ERBB4: variants seen among roughly 807,000 people sequenced by gnomAD.
The protein encoded by ERBB4 is erb-b2 receptor tyrosine kinase 4.
A neutral mutation model predicts 158.0 loss-of-function variants in ERBB4; 42 were observed. That is an observed-to-expected ratio of 0.27 (90% CI 0.21 to 0.34). The LOEUF (loss-of-function observed/expected upper bound fraction) is 0.34. Ranked by LOEUF, ERBB4 falls within the 10% of genes least tolerant of loss-of-function variation. ERBB4 has a pLI of 1.00. For missense variants in ERBB4, 1,333 were observed against 1,624.1 expected (o/e 0.82, Z 3.08); for synonymous variants, 583 against 558.7 (o/e 1.04, Z -0.61).
chr2:211,393,260 C>G (rs2062841138), intron 25 of ERBB4, among the ~76,000 whole-genome samples: 1 of 152,092 alleles, frequency 6.6e-6, no homozygotes, highest in Non-Finnish European at 1.5e-5. Flanking sequence ...TGTACCTACC[C>G]TATACCATGG....
At chr2:212,003,198 A>ACAGACGG (rs2076167179) in intron 2 of ERBB4, among the ~76,000 whole-genome samples, 1 of 58,688 alleles carries the variant, frequency 1.7e-5, no homozygotes, top group African/African-American at 4.4e-5. Flanking sequence ...AGAAAGAAAG[A>ACAGACGG]AAGAAAGACA....
At position 212,407,995 on chromosome 2, in the gene ERBB4, A is replaced by G. The variant is rs949009374; in HGVS notation, c.82+130454T>C. ...TTTCGCATGTATAGACAATTACTGA[A>G]TAAGTGTTTTATTCAGGAGAATAAA... is the stretch of plus-strand genomic sequence containing the variant. On this transcript the variant is annotated intron_variant, in intron 1 of 27. Coordinates refer to ENST00000342788, the MANE Select transcript of ERBB4 (RefSeq NM_005235.3). Among the ~76,000 whole-genome samples the G allele has an allele frequency of 3.4e-4, 52 of 152,204 alleles. 1 individual carries two copies. Among genetic ancestry groups the G allele is most frequent in the African/African-American group, 1.2e-3 (50 of 41,560 alleles).
At chr2:212,248,033 T>A (rs959589326) in intron 1 of ERBB4, among the ~76,000 whole-genome samples, 3 of 152,158 alleles carry the variant, frequency 2.0e-5, no homozygotes, top group African/African-American at 7.2e-5. Context: ...TCATTGTGGT[T>A]TGAGTTTAAG....
At chr2:212,485,800 A>G (rs183842545) in intron 1 of ERBB4, among the ~76,000 whole-genome samples, 4 of 152,208 alleles carry the variant, frequency 2.6e-5, no homozygotes, top group Non-Finnish European at 4.4e-5. Flanking sequence ...GGGCTTTCTC[A>G]TAGGTGGCAC....
At chr2:211,722,709 T>C (rs2074143208) in intron 6 of ERBB4, among the ~76,000 whole-genome samples, 175 bp from the exon 7 acceptor site, 1 of 152,236 alleles carries the variant, frequency 6.6e-6, no homozygotes, top group African/African-American at 2.4e-5. Flanking sequence ...TTTTCCAGTA[T>C]CAGTAAATAG....
intron 19 of ERBB4, among the ~76,000 whole-genome samples, chr2:211,571,041 C>CTTTTTTTTTTTTTTTTTTTTTTTTTT (rs549254649): frequency 9.2e-6 from 1 of 109,076 alleles, no homozygotes; most frequent in African/African-American, 3.6e-5. Flanking sequence ...TACTCTTCTT[C>CTTTTTTTTTTTTTTTTTTTTTTTTTT]TTTTTTTTTT....
intron 19 of ERBB4, among the ~76,000 whole-genome samples, chr2:211,614,502 T>C (rs2069312986): frequency 1.3e-5 from 2 of 152,012 alleles, no homozygotes; most frequent in African/African-American, 4.8e-5. Flanking sequence ...TCACATTGCA[T>C]GCCTGTATCA....
chr2:212,165,429 T>C (rs2081318596), intron 1 of ERBB4, among the ~76,000 whole-genome samples: 3 of 151,938 alleles, frequency 2.0e-5, no homozygotes, highest in South Asian at 4.1e-4. Context: ...ATCTCTGATT[T>C]GCAGAGAGGG....
At chr2:211,754,095 C>T (rs1308084684) in intron 4 of ERBB4, among the ~76,000 whole-genome samples, 1 of 152,062 alleles carries the variant, frequency 6.6e-6, no homozygotes, top group African/African-American at 2.4e-5. Flanking sequence ...CTCCTGACCT[C>T]GTGATCTGCC....
intron 4 of ERBB4, among the ~76,000 whole-genome samples, chr2:211,781,611 A>G (rs1173527162): frequency 1.3e-5 from 2 of 152,224 alleles, no homozygotes; most frequent in Non-Finnish European, 2.9e-5. Context: ...TGAATATATA[A>G]TGAAAATGTA....
chr2:212,084,272 C>T (rs758753471), intron 2 of ERBB4, among the ~76,000 whole-genome samples: 10 of 151,886 alleles, frequency 6.6e-5, no homozygotes, highest in Non-Finnish European at 1.3e-4. Flanking sequence ...GAAACAAAAA[C>T]GATAAAGGCA....
At chr2:212,340,927 A>C (rs2088678603) in intron 1 of ERBB4, among the ~76,000 whole-genome samples, 1 of 152,186 alleles carries the variant, frequency 6.6e-6, no homozygotes, top group African/African-American at 2.4e-5. Flanking sequence ...ATTTTTAGAT[A>C]ATCACAATTG....
At chr2:211,944,782 A>C (rs1405814464) in intron 3 of ERBB4, among the ~76,000 whole-genome samples, 2 of 150,264 alleles carry the variant, frequency 1.3e-5, no homozygotes, top group African/African-American at 4.8e-5. Flanking sequence ...CCACCCCCAG[A>C]GTTTCTCATT....
chr2:211,981,190 C>A lies in ERBB4; in HGVS notation c.235-33574G>T, dbSNP rs534548134. Among the ~76,000 whole-genome samples the A allele has an allele frequency of 4.6e-5, 7 of 152,246 alleles. No homozygotes were observed. In the South Asian group the frequency reaches 1.2e-3, roughly 27 times the overall value. ...AGAGGACGCTGTTGTCTATCCTCTG[C>A]ACAATGGGGTTCCCACTCTTCCCTA... On this transcript the variant is annotated intron_variant, in intron 2 of 27. Transcript: ENST00000342788.
chr2:212,437,116 G>C (rs1429349881), intron 1 of ERBB4, among the ~76,000 whole-genome samples: 2 of 152,010 alleles, frequency 1.3e-5, no homozygotes, highest in Admixed American at 1.3e-4. Flanking sequence ...ACCTAGCAAA[G>C]ACCAAATGTA....
chr2:212,409,077 A>G (rs2091428277), intron 1 of ERBB4, among the ~76,000 whole-genome samples: 1 of 152,160 alleles, frequency 6.6e-6, no homozygotes, highest in Admixed American at 6.6e-5. Flanking sequence ...TCACAACCTA[A>G]TCACCAAACT....
chr2:211,596,290 A>G (rs1013502275), intron 19 of ERBB4, among the ~76,000 whole-genome samples: 5 of 152,180 alleles, frequency 3.3e-5, no homozygotes, highest in Non-Finnish European at 7.4e-5. Context: ...AAAATGTCCA[A>G]TAAAGAGGAA....
chr2:212,516,147 C>T (rs1438187025), intron 1 of ERBB4, among the ~76,000 whole-genome samples: 1 of 151,910 alleles, frequency 6.6e-6, no homozygotes, highest in African/African-American at 2.4e-5. Flanking sequence ...CAGACACATA[C>T]ACTCATGTGC....
chr2:211,700,560 T>C (rs1364326937), intron 12 of ERBB4, among the ~76,000 whole-genome samples: 1 of 152,220 alleles, frequency 6.6e-6, no homozygotes, highest in Admixed American at 6.5e-5. Flanking sequence ...TTATATTTTA[T>C]GAAGATTGGT....
Sources: allele counts gnomAD v4.1 joint callset (sites outside exome capture counted in the v4.1 genomes callset), GRCh38; gene constraint gnomAD v4.1.1; transcripts MANE v1.5; gene names NCBI Gene and HGNC (gene_info 2026-07-23, HGNC 2026-07-21).